CHST3: variants seen among roughly 807,000 people sequenced by gnomAD.
CHST3 encodes carbohydrate sulfotransferase 3.
CHST3 carries 20 observed loss-of-function variants against 35.4 expected under a neutral mutation model. That is an observed-to-expected ratio of 0.57 (90% CI 0.40 to 0.82). The LOEUF (loss-of-function observed/expected upper bound fraction) is 0.82. Ranked by LOEUF, CHST3 falls within the 40% of genes least tolerant of loss-of-function variation. The pLI is 0.00. For missense variants in CHST3, 693 were observed against 670.1 expected (o/e 1.03, Z -0.38); for synonymous variants, 334 against 295.9 (o/e 1.13, Z -1.32).
chr10:71,996,063 G>C (rs1314569666), intron 1 of CHST3, among the ~76,000 whole-genome samples: 1 of 152,208 alleles, frequency 6.6e-6, no homozygotes, highest in Non-Finnish European at 1.5e-5. Context: ...AGGCATGTGA[G>C]TAATAATATA....
chr10:72,008,394 C>G lies in CHST3; in HGVS notation c.1363C>G (p.Leu455Val), dbSNP rs374954414. Residue 455 changes from leucine (L) to valine (V), a missense_variant, in exon 3 of 3, where the codon CTG becomes GTG. Transcript: ENST00000373115. The part of the protein sequence containing the change: ...GPAMRLFGYK[L>V]ARDAAALTNR... ...TGCCATGCGCCTCTTCGGCTACAAA[C>G]TGGCGCGGGACGCCGCCGCCCTCAC... 2.2e-4 allele frequency: 349 copies of G among 1,570,460 alleles called. 3 individuals carry two copies. The highest frequency in any genetic ancestry group is 8.7e-4 in the South Asian group (74 of 85,384).
At chr10:71,990,459 GTTC>G (rs1554816486) in intron 1 of CHST3, among the ~76,000 whole-genome samples, 1 of 152,124 alleles carries the variant, frequency 6.6e-6, no homozygotes, top group Non-Finnish European at 1.5e-5. Flanking sequence ...CACCTCCCAC[GTTC>G]AAGCAATTCT....
Position 72,007,718 on chromosome 10 carries a change from C to T in CHST3, c.687C>T (p.Cys229=), listed in dbSNP as rs1214931622. ...GCCGGGGCTCCAGCCGCTCCCTGTG[C>T]GAGGACCCCGTCTGTACGCCCTTCG... The part of the protein sequence containing the change: ...MFRRGSSRSL[C]EDPVCTPFVK... Residue 229 remains cysteine, a synonymous_variant, in exon 3 of 3, where the codon TGC becomes TGT. Transcript: ENST00000373115. 11 of 1,605,394 alleles carry T rather than the reference C, an allele frequency of 6.9e-6. No individual in the cohort carries two copies. The South Asian group carries it at 8.8e-5, about 13-fold the overall frequency.
At chr10:71,965,633 C>A (rs2131733332) in intron 1 of CHST3, among the ~76,000 whole-genome samples, 1 of 152,292 alleles carries the variant, frequency 6.6e-6, no homozygotes, top group East Asian at 1.9e-4. Context: ...TTGCTGGGCC[C>A]CAGGATGTAC....
At chr10:71,972,552 G>C (rs149423768) in intron 1 of CHST3, among the ~76,000 whole-genome samples, 2,789 of 152,240 alleles carry the variant, frequency 0.018, 61 homozygotes, top group Non-Finnish European at 0.021. Context: ...TCACAGGAAG[G>C]GTGCAGATGG....
At chr10:71,993,915 C>T (rs1839918516) in intron 1 of CHST3, among the ~76,000 whole-genome samples, 1 of 152,160 alleles carries the variant, frequency 6.6e-6, no homozygotes, top group Non-Finnish European at 1.5e-5. Flanking sequence ...GCCTGGCCAA[C>T]ATGATGAAAC....
At chr10:71,978,342 G>C (rs1421428785) in intron 1 of CHST3, among the ~76,000 whole-genome samples, 1 of 151,724 alleles carries the variant, frequency 6.6e-6, no homozygotes, top group Non-Finnish European at 1.5e-5. Context: ...CTCCAGCCTA[G>C]GCGATAGACC....
chr10:71,981,577 G>T (rs900292521), intron 1 of CHST3, among the ~76,000 whole-genome samples: 1 of 152,342 alleles, frequency 6.6e-6, no homozygotes, highest in Non-Finnish European at 1.5e-5. Flanking sequence ...TGGGTGTGAG[G>T]TTGATTCAGA....
chr10:71,987,670 T>G (rs1464612041), intron 1 of CHST3, among the ~76,000 whole-genome samples: 1 of 139,862 alleles, frequency 7.1e-6, no homozygotes, highest in African/African-American at 2.8e-5. Flanking sequence ...GAGCCAAGAT[T>G]GTGCCACTGC....
chr10:71,992,220 G>A (rs1839903144), intron 1 of CHST3, among the ~76,000 whole-genome samples: 1 of 151,958 alleles, frequency 6.6e-6, no homozygotes, highest in South Asian at 2.1e-4. Flanking sequence ...GTCTTGCTCT[G>A]TTGCCCAGGC....
chr10:72,000,569 C>T (rs1366779317), intron 1 of CHST3, among the ~76,000 whole-genome samples: 1 of 152,052 alleles, frequency 6.6e-6, no homozygotes, highest in Admixed American at 6.6e-5. Context: ...GATGCAGAAG[C>T]CCCCAGGTGG....
intron 1 of CHST3, among the ~76,000 whole-genome samples, chr10:71,996,425 ACC>A (rs145840295): frequency 1.4e-4 from 19 of 135,672 alleles, no homozygotes; most frequent in Middle Eastern, 3.8e-3. Flanking sequence ...CTCTCTACCA[ACC>A]CCCCCCCAAC....
chr10:71,983,608 G>A (rs547642289), intron 1 of CHST3, among the ~76,000 whole-genome samples: 24 of 152,160 alleles, frequency 1.6e-4, no homozygotes, highest in Admixed American at 1.3e-3. Context: ...ATGCCACGAT[G>A]CCTGGCTATT....
chr10:72,002,787 G>A (rs1384977958), intron 1 of CHST3, among the ~76,000 whole-genome samples: 3 of 152,200 alleles, frequency 2.0e-5, no homozygotes, highest in Non-Finnish European at 4.4e-5. Flanking sequence ...AGGGTGCATG[G>A]GGGACGTAGC....
rs1055677426 is a variant in CHST3, at chr10:72,010,783, C to T, written c.*2312C>T. On this transcript the variant is annotated 3_prime_UTR_variant, in exon 3 of 3. Coordinates refer to ENST00000373115, the MANE Select transcript of CHST3 (RefSeq NM_004273.5). ...TGCTGGCCGTTCTTCCCCAGCCTCC[C>T]CACTGCTCCCTCCTCTGTTCCCCAT... The T allele has an allele frequency of 2.0e-5, 3 of 152,220 alleles. No individual in the cohort carries two copies. The highest frequency in any genetic ancestry group is 7.2e-5 in the African/African-American group (3 of 41,446). 9.4% of individuals were successfully genotyped at this position (152,220 alleles called of 1,614,324 possible). A position where few individuals can be genotyped will look rare whatever the true frequency, so the allele number is the denominator to read the frequency against.
chr10:71,979,175 T>C (rs527617818), intron 1 of CHST3, among the ~76,000 whole-genome samples: 133 of 151,992 alleles, frequency 8.8e-4, no homozygotes, highest in Non-Finnish European at 1.7e-3. Flanking sequence ...GAACGTGTGG[T>C]AGGAGGCCCT....
chr10:72,010,888 G>A lies in CHST3; in HGVS notation c.*2417G>A, dbSNP rs1447848686. The stretch of plus-strand genomic sequence containing the variant: ...TCTTCCTAGGGGCCCTGCTAATGTG[G>A]ACAGTAGACTTTATCCCTCCTTCTT... On this transcript the variant is annotated 3_prime_UTR_variant, in exon 3 of 3. Coordinates refer to ENST00000373115, the MANE Select transcript of CHST3 (RefSeq NM_004273.5). The A allele has an allele frequency of 1.3e-5, 2 of 152,238 alleles. No individual in the cohort carries two copies. The highest frequency in any genetic ancestry group is 2.9e-5 in the Non-Finnish European group (2 of 68,122). The allele number at this position is 152,238 out of a possible 1,614,324, so 9.4% of individuals were successfully genotyped here.
intron 1 of CHST3, among the ~76,000 whole-genome samples, chr10:71,994,093 C>G (rs566829052): frequency 4.6e-5 from 7 of 151,490 alleles, no homozygotes; most frequent in East Asian, 3.9e-4. Context: ...AAGCGAGACT[C>G]CATTCAAAAA....
At chr10:71,976,903 C>A (rs1449307897) in intron 1 of CHST3, among the ~76,000 whole-genome samples, 1 of 152,136 alleles carries the variant, frequency 6.6e-6, no homozygotes, top group Non-Finnish European at 1.5e-5. Flanking sequence ...GTCCATGGTG[C>A]AAAGTTGAAA....
Sources: gnomAD v4.1 joint callset for allele counts (sites outside exome capture counted in the v4.1 genomes callset) on GRCh38, gnomAD v4.1.1 for gene constraint, MANE v1.5 for transcripts, NCBI Gene and HGNC (gene_info 2026-07-23, HGNC 2026-07-21) for gene names.